Variants in ZNF23 observed in about 807,000 individuals in gnomAD.
ZNF23 encodes the protein zinc finger protein 23, also known as kruppel-like zinc finger factor X31.
A neutral mutation model predicts 56.2 loss-of-function variants in ZNF23; 48 were observed. That is an observed-to-expected ratio of 0.85 (90% CI 0.68 to 1.09). The LOEUF (loss-of-function observed/expected upper bound fraction) is 1.09. ZNF23 is among the 50% of genes least tolerant of loss of function. The pLI, the probability that ZNF23 is intolerant of heterozygous loss-of-function variation, is 0.00. For synonymous variants in ZNF23, 266 were observed against 283.3 expected, an observed-to-expected ratio of 0.94 and a Z score of 0.61; for missense variants, 805 against 811.4, an observed-to-expected ratio of 0.99 and a Z score of 0.10.
chr16:71,450,031 G>A (rs986793014), intron 4 of ZNF23, 146 bp from the exon 5 acceptor site: 6 of 556,128 alleles, frequency 1.1e-5, no homozygotes, highest in South Asian at 3.6e-5. Context: ...CCATAAGGTG[G>A]GATAAGTAAT....
In ZNF23 at chr16:71,460,273, C is replaced by T. The variant is rs189210460; in HGVS notation, c.-33+1937G>A. The stretch of plus-strand genomic sequence containing the variant: ...ACTCATCTACTTGCCAAGCTGGACT[C>T]GTCCAAGGCATTCTTTGGTCTCTTG... On this transcript the variant is annotated intron_variant, in intron 1 of 4. Coordinates refer to ENST00000647773, the MANE Select transcript of ZNF23 (RefSeq NM_001381984.1). 8.7e-4 allele frequency among the ~76,000 whole-genome samples: 133 copies of T among 152,154 alleles called. 1 individual carries two copies. In the Middle Eastern group the frequency reaches 0.027, roughly 31 times the overall value.
At position 71,456,876 on chromosome 16, in the gene ZNF23, C is replaced by G. The variant is rs756050808; in HGVS notation, c.-32-48G>C. 6.2e-6 allele frequency: 5 copies of G among 801,922 alleles called. No individual in the cohort carries two copies. In the South Asian group the frequency reaches 2.8e-4, roughly 45 times the overall value. The allele number at this position is 801,922 out of a possible 1,614,324, so 49.7% of individuals were successfully genotyped here. ...ACAAGTGTGAGGCAAGCCACCCCAA[C>G]CAGAGCAACATAGCCCCTCACAGAA... On this transcript the variant is annotated intron_variant, in intron 1 of 4. Coordinates refer to ENST00000647773, the MANE Select transcript of ZNF23 (RefSeq NM_001381984.1).
At chr16:71,454,295 G>T in intron 2 of ZNF23, 127 bp from the exon 3 acceptor site, 1 of 1,268,198 alleles carries the variant, frequency 7.9e-7, no homozygotes. Flanking sequence ...TTAACAACAA[G>T]GGGAAGATCT....
rs2043150386 is a variant in ZNF23 at position 71,454,271 on chromosome 16, G to A, written c.34-103C>T. ...GGGCTTGGGGAGGGTGCTTGTGAGA[G>A]CACAAAATTAGTATTAACAACAAGG... On this transcript the variant is annotated intron_variant, in intron 2 of 4. Transcript: ENST00000647773. The A allele has an allele frequency of 2.8e-6, 4 of 1,427,714 alleles. No homozygotes were observed. The Admixed American group carries it at 8.1e-5, about 29-fold the overall frequency. 88.4% of individuals were successfully genotyped at this position (1,427,714 alleles called of 1,614,324 possible).
At position 71,448,677 on chromosome 16, in the gene ZNF23, A is replaced by G. The variant is rs1459050820; in HGVS notation, c.1477T>C (p.Cys493Arg). 1.2e-6 allele frequency: 2 copies of G among 1,614,102 alleles called. No homozygotes were observed. The highest frequency in any genetic ancestry group is 1.7e-6 in the Non-Finnish European group (2 of 1,180,022). Residue 493 changes from cysteine (C) to arginine (R), a missense_variant, in exon 5 of 5, where the codon TGT becomes CGT. Coordinates refer to ENST00000647773, the MANE Select transcript of ZNF23 (RefSeq NM_001381984.1). The part of the protein sequence containing the change: ...RIHTGEKPYE[C>R]NECGKAFSVN... ...CTGAAGGCCTTTCCACACTCATTAC[A>G]CTCATAGGGCTTCTCCCCAGTGTGA...
Position 71,448,322 on chromosome 16 carries a change from G to A in ZNF23, c.1832C>T (p.Ala611Val). Residue 611 changes from alanine to valine, a missense_variant, in exon 5 of 5, where the codon GCC (alanine) becomes GTC (valine). Physicochemically the swap from Ala to Val is moderately conservative, Grantham distance 64. Transcript: ENST00000647773. The stretch of plus-strand genomic sequence containing the variant: ...AATTAAATGGGCATTAACATGGAAG[G>A]CTTTTCCACACTCCTTACACTGAAA... Reference protein sequence around the residue: ...KPFQCKECGKAFHVNAHLIRH... With the variant: ...KPFQCKECGKVFHVNAHLIRH... 6.2e-7 allele frequency: 1 copy of A among 1,614,028 alleles called. No homozygotes were observed. The highest frequency in any genetic ancestry group is 8.5e-7 in the Non-Finnish European group (1 of 1,180,004).
At chr16:71,450,285 A>C (rs994383346) in intron 4 of ZNF23, 1 of 166,120 alleles carries the variant, frequency 6.0e-6, no homozygotes, top group African/African-American at 2.4e-5. Context: ...TCCCTACTTT[A>C]TACACTTTCT....
intron 4 of ZNF23, chr16:71,450,353 T>TA (rs71389667): frequency 0.21 from 33,093 of 156,262 alleles, 4,814 homozygotes; most frequent in African/African-American, 0.42. Context: ...AAAGTAATGA[T>TA]AAAAAAAAAA....
intron 2 of ZNF23, chr16:71,456,222 A>G: frequency 2.8e-6 from 1 of 358,208 alleles, no homozygotes; most frequent in South Asian, 2.1e-5. Flanking sequence ...CTTCTCAGAG[A>G]CCTAAAGTCT....
rs1351078324 is a variant in ZNF23 at position 71,448,935 on chromosome 16, A to AG, written c.1218dup (p.Tyr407LeufsTer4). 6.2e-7 allele frequency: 1 copy of AG among 1,614,250 alleles called. No individual in the cohort carries two copies. Among genetic ancestry groups the AG allele is most frequent in the East Asian group, 2.2e-5 (1 of 44,888 alleles). On this transcript the variant is annotated frameshift_variant, in exon 5 of 5. Transcript: ENST00000647773. LOFTEE classifies it high-confidence loss of function. ...CCTTTTCCACACTCTTTACACTGAT[A>AG]GGGCTTTTCTCCTGTGTGGATGCTC...
In ZNF23 at chr16:71,454,141, C is replaced by G; in HGVS notation, c.61G>C (p.Val21Leu). The G allele has an allele frequency of 1.2e-6, 2 of 1,613,876 alleles. No individual in the cohort carries two copies. Among genetic ancestry groups the G allele is most frequent in the Non-Finnish European group, 1.7e-6 (2 of 1,179,936 alleles). Residue 21 changes from valine to leucine, a missense_variant, in exon 3 of 5, where the codon GTG becomes CTG. Val to Leu is a conservative substitution (Grantham distance 32, BLOSUM62 1). Coordinates refer to ENST00000647773, the MANE Select transcript of ZNF23 (RefSeq NM_001381984.1). ...TCCCATTCCGCCTGGGTGAAGTACA[C>G]AGCCACGTCCTCAAAGGTCACCGAC... is the stretch of plus-strand genomic sequence containing the variant. Reference protein sequence around the residue: ...QKSVTFEDVAVYFTQAEWDGL... With the variant: ...QKSVTFEDVALYFTQAEWDGL...
chr16:71,460,742 C>T (rs1030457790), intron 1 of ZNF23, among the ~76,000 whole-genome samples: 5 of 152,202 alleles, frequency 3.3e-5, no homozygotes, highest in African/African-American at 1.2e-4. Flanking sequence ...AAGATAAACA[C>T]ACTGTCCATC....
intron 3 of ZNF23, 139 bp downstream of exon 3, chr16:71,453,903 C>G: frequency 1.9e-6 from 2 of 1,079,190 alleles, no homozygotes; most frequent in South Asian, 1.4e-5. Flanking sequence ...CCAGTAACCT[C>G]TAAGTCTAGA....
In ZNF23 at chr16:71,453,233, C is replaced by T; in HGVS notation, c.268+10G>A. The T allele has an allele frequency of 6.3e-7, 1 of 1,593,114 alleles. No homozygotes were observed. Reference sequence around the variant, plus strand: ...ATTCCAACAGAGTGGGAAATATGTACCTCCCTTACCAGTCTGGAGGCCCTG... The same window carrying T: ...ATTCCAACAGAGTGGGAAATATGTATCTCCCTTACCAGTCTGGAGGCCCTG... On this transcript the variant is annotated intron_variant, in intron 4 of 4. Transcript: ENST00000647773.
intron 4 of ZNF23, chr16:71,450,718 CAA>C (rs66920642): frequency 0.015 from 5,100 of 345,042 alleles, no homozygotes; most frequent in Non-Finnish European, 0.018. Context: ...GACTCCATCT[CAA>C]AAAAAAAAAA....
At chr16:71,451,592 G>C (rs2043058143) in intron 4 of ZNF23, 1 of 152,268 alleles carries the variant, frequency 6.6e-6, no homozygotes, top group Non-Finnish European at 1.5e-5. Context: ...GATACAGTGA[G>C]AAGACAGCTG....
At position 71,448,826 on chromosome 16, in the gene ZNF23, G is replaced by C; in HGVS notation, c.1328C>G (p.Ala443Gly). The C allele has an allele frequency of 1.2e-6, 2 of 1,614,134 alleles. No individual in the cohort carries two copies. Among genetic ancestry groups the C allele is most frequent in the Non-Finnish European group, 1.7e-6 (2 of 1,180,012 alleles). ...GATTAACTTCCCTTTGACACTGAAG[G>C]CTTTTCCACATTCAGTGCATTCATA... ...KPYECTECGK[A>G]FSVKGKLIQH... Residue 443 changes from alanine to glycine, a missense_variant, in exon 5 of 5, where the codon GCC (alanine) becomes GGC (glycine). By Grantham distance (60) the Ala-to-Gly change is moderately conservative. Transcript: ENST00000647773.
In ZNF23 at chr16:71,449,444, T is replaced by C; in HGVS notation, c.710A>G (p.Lys237Arg). 6.2e-7 allele frequency: 1 copy of C among 1,614,238 alleles called. No homozygotes were observed. ...IQHQENNTEE[K>R]PYQCSECGKA... is the part of the protein sequence containing the mutation. ...GCCACACTCCGAACACTGATAAGGC[T>C]TTTCCTCAGTGTTGTTCTCTTGATG... is the stretch of plus-strand genomic sequence containing the variant. The change falls in exon 5 of 5, where the codon AAG becomes AGG. Residue 237 changes from lysine (K) to arginine (R), a missense_variant. Lys to Arg is a conservative substitution (Grantham distance 26, BLOSUM62 2). Transcript: ENST00000647773.
chr16:71,456,030 C>A (rs529377216), intron 2 of ZNF23: 24 of 456,494 alleles, frequency 5.3e-5, no homozygotes, highest in African/African-American at 4.4e-4. Flanking sequence ...GCATAGTAAG[C>A]CTCCAAAGAT....
Sources: allele counts gnomAD v4.1 joint callset (sites outside exome capture counted in the v4.1 genomes callset), GRCh38; gene constraint gnomAD v4.1.1; transcripts MANE v1.5; gene names NCBI Gene and HGNC (gene_info 2026-07-23, HGNC 2026-07-21).